The following CACNA1E variants were observed in gnomAD, a reference collection of about 807,000 sequenced individuals.
CACNA1E encodes calcium voltage-gated channel subunit alpha1 E.
Under a neutral mutation model 259.2 loss-of-function variants are expected in CACNA1E, and 40 were observed. The observed-to-expected ratio is 0.15, with a 90% CI of 0.12 to 0.20. The LOEUF (loss-of-function observed/expected upper bound fraction) is 0.20, where lower values mean the gene tolerates loss of function less well. CACNA1E is among the 10% of genes least tolerant of loss of function. The pLI is 1.00. For missense variants in CACNA1E, 1,874 were observed against 3,040.1 expected (o/e 0.62, Z 9.02); for synonymous variants, 1,104 against 1,138.5 (o/e 0.97, Z 0.61).
At chr1:181,755,821 T>C in intron 28 of CACNA1E, 135 bp from the exon 29 acceptor site, 1 of 923,342 alleles carries the variant, frequency 1.1e-6, no homozygotes, top group Non-Finnish European at 1.6e-6. Flanking sequence ...CTTCCTTTAA[T>C]AGAATTCCTT....
At chr1:181,616,874 C>A (rs1655267389) in intron 6 of CACNA1E, among the ~76,000 whole-genome samples, 1 of 152,126 alleles carries the variant, frequency 6.6e-6, no homozygotes, top group Non-Finnish European at 1.5e-5. Context: ...AACCATTAAG[C>A]TTTTCTACTT....
chr1:181,596,557 CGTGTGTGTGTGTGTGTGTGTGTGTGTGT>C (rs60302499), intron 6 of CACNA1E, among the ~76,000 whole-genome samples: 5 of 140,490 alleles, frequency 3.6e-5, no homozygotes, highest in African/African-American at 7.9e-5. Context: ...CCACCATGTA[CGTGTGTGTGTGTGTGTGTGTGTGTGTGT>C]GTGTGTGTGT....
chr1:181,737,931 A>T (rs1310976437), intron 23 of CACNA1E, among the ~76,000 whole-genome samples: 1 of 152,156 alleles, frequency 6.6e-6, no homozygotes, highest in Non-Finnish European at 1.5e-5. Flanking sequence ...AGGGTCATGG[A>T]TGGTGTGTGT....
intron 3 of CACNA1E, among the ~76,000 whole-genome samples, chr1:181,527,566 A>T (rs992794777): frequency 3.3e-5 from 5 of 152,248 alleles, no homozygotes; most frequent in African/African-American, 1.2e-4. Flanking sequence ...AAGTAGGGCT[A>T]TATCTTTAAG....
At chr1:181,766,111 TG>T (rs1572841613) in intron 34 of CACNA1E, among the ~76,000 whole-genome samples, 1 of 152,204 alleles carries the variant, frequency 6.6e-6, no homozygotes, top group Non-Finnish European at 1.5e-5. Flanking sequence ...TTCTTCATTA[TG>T]GGTGCCACTT....
chr1:181,511,288 G>A (rs1666142910), intron 2 of CACNA1E, 83 bp from the exon 3 acceptor site: 5 of 1,515,708 alleles, frequency 3.3e-6, no homozygotes. Context: ...CAGACATCCA[G>A]GAAGGGCCAG....
intron 2 of CACNA1E, among the ~76,000 whole-genome samples, chr1:181,436,642 T>C (rs918840289): frequency 2.3e-4 from 35 of 152,130 alleles, no homozygotes; most frequent in Admixed American, 1.6e-3. Flanking sequence ...CACTTATATG[T>C]GGAACCCAAG....
intron 23 of CACNA1E, 85 bp downstream of exon 23, chr1:181,737,739 G>T: frequency 2.0e-6 from 3 of 1,524,780 alleles, no homozygotes; most frequent in Middle Eastern, 1.8e-4. Context: ...CGAGATGGTA[G>T]CAAGGTTTCT....
chr1:181,667,514 A>G (rs1165985859), intron 7 of CACNA1E, among the ~76,000 whole-genome samples: 2 of 152,168 alleles, frequency 1.3e-5, no homozygotes, highest in African/African-American at 4.8e-5. Flanking sequence ...GGATCATCCA[A>G]TATCTGTGTC....
At chr1:181,462,166 A>G (rs2102379290) in intron 2 of CACNA1E, among the ~76,000 whole-genome samples, 1 of 152,360 alleles carries the variant, frequency 6.6e-6, no homozygotes, top group Non-Finnish European at 1.5e-5. Flanking sequence ...TTCACTTACA[A>G]TACAAAAAGA....
At chr1:181,411,515 CCTGTTCTTCAACTGGCAAACT>C (rs1657840657) in intron 1 of CACNA1E, among the ~76,000 whole-genome samples, 1 of 152,222 alleles carries the variant, frequency 6.6e-6, no homozygotes, top group African/African-American at 2.4e-5. Flanking sequence ...GTTTTCCTCT[CCTGTTCTTCAACTGGCAAACT>C]CTGTTTAACC....
intron 1 of CACNA1E, among the ~76,000 whole-genome samples, chr1:181,494,984 T>C (rs1427687797): frequency 6.6e-6 from 1 of 152,262 alleles, no homozygotes; most frequent in African/African-American, 2.4e-5. Flanking sequence ...AAAAATATTG[T>C]ACGCGATATT....
At position 181,805,742 on chromosome 1, in the gene CACNA1E, C is replaced by T. The variant is rs1052273947; in HGVS notation, c.*6908C>T. 5 of 152,176 alleles carry T rather than the reference C, an allele frequency of 3.3e-5. No homozygotes were observed. The highest frequency in any genetic ancestry group is 7.3e-5 in the Non-Finnish European group (5 of 68,032). The allele number at this position is 152,176 out of a possible 1,614,324, so 9.4% of individuals were successfully genotyped here. On this transcript the variant is annotated 3_prime_UTR_variant, in exon 48 of 48. Transcript: ENST00000367573. The stretch of plus-strand genomic sequence containing the variant: ...CTCTTCGTGATATTAGAGGGCAGTC[C>T]AACTCCGCTCAAACTGAGTCCAAGA...
At chr1:181,641,184 G>T (rs1657713470) in intron 6 of CACNA1E, among the ~76,000 whole-genome samples, 1 of 152,206 alleles carries the variant, frequency 6.6e-6, no homozygotes, top group African/African-American at 2.4e-5. Context: ...GTGCCTAATT[G>T]CTGGGGGAAT....
At chr1:181,543,470 G>A (rs1668750180) in intron 3 of CACNA1E, among the ~76,000 whole-genome samples, 1 of 152,170 alleles carries the variant, frequency 6.6e-6, no homozygotes, top group Non-Finnish European at 1.5e-5. Flanking sequence ...AGGGTTTGGG[G>A]GAGCTAATTA....
At chr1:181,594,976 T>G (rs1653014349) in intron 6 of CACNA1E, among the ~76,000 whole-genome samples, 1 of 152,242 alleles carries the variant, frequency 6.6e-6, no homozygotes, top group Non-Finnish European at 1.5e-5. Context: ...TACAGGTTTT[T>G]CACGTATCAT....
chr1:181,589,732 A>C (rs1652444005), intron 6 of CACNA1E, among the ~76,000 whole-genome samples: 1 of 152,102 alleles, frequency 6.6e-6, no homozygotes, highest in Non-Finnish European at 1.5e-5. Flanking sequence ...CTAAAAAGAA[A>C]ATAAAATAAA....
chr1:181,794,166 G>A (rs938431124), intron 45 of CACNA1E, among the ~76,000 whole-genome samples: 1 of 152,196 alleles, frequency 6.6e-6, no homozygotes, highest in African/African-American at 2.4e-5. Context: ...TGTCAGGACT[G>A]TCTGTCCTAA....
chr1:181,766,853 T>C (rs1167385973), intron 35 of CACNA1E, among the ~76,000 whole-genome samples: 1 of 152,184 alleles, frequency 6.6e-6, no homozygotes, highest in Non-Finnish European at 1.5e-5. Context: ...TGTCAGATCA[T>C]GGTGCTAATT....
Sources: gnomAD v4.1 joint callset for allele counts (sites outside exome capture counted in the v4.1 genomes callset) on GRCh38, gnomAD v4.1.1 for gene constraint, MANE v1.5 for transcripts, NCBI Gene and HGNC (gene_info 2026-07-23, HGNC 2026-07-21) for gene names.